The following SPOCK3 variants were observed in gnomAD, a reference collection of about 807,000 sequenced individuals.
SPOCK3 encodes the protein SPARC (osteonectin), cwcv and kazal like domains proteoglycan 3, also known as testican-3.
In SPOCK3, 30 loss-of-function variants were observed where a neutral mutation model predicts 56.6. That is an observed-to-expected ratio of 0.53 (90% confidence interval 0.40 to 0.72). The LOEUF (loss-of-function observed/expected upper bound fraction) is 0.72, where lower values mean the gene tolerates loss of function less well. Among genes scored for constraint, SPOCK3 ranks in the 30% least tolerant of loss-of-function variants. The pLI, the probability that SPOCK3 is intolerant of heterozygous loss-of-function variation, is 0.00. For synonymous variants in SPOCK3, 196 were observed against 183.3 expected, an observed-to-expected ratio of 1.07 and a Z score of -0.56; for missense variants, 527 against 530.0, an observed-to-expected ratio of 0.99 and a Z score of 0.06.
chr4:167,155,306 T>G, intron 2 of SPOCK3, among the ~76,000 whole-genome samples: 1 of 151,718 alleles, frequency 6.6e-6, no homozygotes, highest in East Asian at 1.9e-4. Context: ...TTGTTAGAGA[T>G]GGGGTTTCAC....
chr4:166,943,117 G>A (rs1741304374), intron 4 of SPOCK3, among the ~76,000 whole-genome samples: 1 of 152,124 alleles, frequency 6.6e-6, no homozygotes, highest in Non-Finnish European at 1.5e-5. Flanking sequence ...ATTAACATGT[G>A]CAAGAACACA....
At chr4:166,991,194 T>A in intron 4 of SPOCK3, among the ~76,000 whole-genome samples, 1 of 151,960 alleles carries the variant, frequency 6.6e-6, no homozygotes, top group African/African-American at 2.4e-5. Context: ...TCACCACTAT[T>A]TTTTACCATG....
intron 2 of SPOCK3, among the ~76,000 whole-genome samples, chr4:167,081,622 T>C (rs958911107): frequency 1.3e-5 from 2 of 152,054 alleles, no homozygotes; most frequent in African/African-American, 4.8e-5. Flanking sequence ...CATTAAAATC[T>C]CTGTCTGGAG....
intron 6 of SPOCK3, among the ~76,000 whole-genome samples, chr4:166,845,818 A>G (rs923343547): frequency 6.6e-6 from 1 of 152,202 alleles, no homozygotes; most frequent in Non-Finnish European, 1.5e-5. Flanking sequence ...ATGCAGTCAC[A>G]TGTCACTTAA....
chr4:166,942,701 T>A (rs78506996), intron 4 of SPOCK3, among the ~76,000 whole-genome samples: 1 of 152,118 alleles, frequency 6.6e-6, no homozygotes, highest in African/African-American at 2.4e-5. Flanking sequence ...AGACTAAGAA[T>A]ACCCTATAGA....
intron 3 of SPOCK3, among the ~76,000 whole-genome samples, chr4:167,006,599 C>T (rs945090499): frequency 3.9e-5 from 6 of 152,170 alleles, no homozygotes; most frequent in African/African-American, 1.2e-4. Flanking sequence ...TTCGCCTACC[C>T]AGAAAATCAT....
At chr4:166,802,576 T>A (rs1742724966) in intron 6 of SPOCK3, among the ~76,000 whole-genome samples, 1 of 152,022 alleles carries the variant, frequency 6.6e-6, no homozygotes, top group South Asian at 2.1e-4. Flanking sequence ...AGGGTACTAA[T>A]CAAATTCACA....
At chr4:167,131,275 G>C (rs1003761662) in intron 2 of SPOCK3, among the ~76,000 whole-genome samples, 1 of 152,030 alleles carries the variant, frequency 6.6e-6, no homozygotes, top group African/African-American at 2.4e-5. Context: ...GATAAAATGT[G>C]CTACACTATG....
chr4:166,901,473 G>C (rs1271578436), intron 5 of SPOCK3, among the ~76,000 whole-genome samples: 1 of 152,126 alleles, frequency 6.6e-6, no homozygotes, highest in Non-Finnish European at 1.5e-5. Flanking sequence ...AATTAGAAAA[G>C]TTGATAATAA....
rs764357940 is a variant in SPOCK3 at position 166,976,676 on chromosome 4, CTTAAAA to C, written c.350+23667_350+23672del. Reference sequence around the variant, plus strand: ...TCTGTCCTCCTTCTTTATTTTTCTCCTTAAAATTAAGTTTCTGTACCTCTAGCATAA... The same window carrying C: ...TCTGTCCTCCTTCTTTATTTTTCTCCTTAAGTTTCTGTACCTCTAGCATAA... On this transcript the variant is annotated intron_variant, in intron 4 of 10. Coordinates refer to ENST00000357545, the MANE Select transcript of SPOCK3 (RefSeq NM_001040159.2). 3.9e-5 allele frequency among the ~76,000 whole-genome samples: 6 copies of C among 152,118 alleles called. 1 individual carries two copies. The East Asian group carries it at 7.7e-4, about 20-fold the overall frequency.
chr4:167,063,941 G>A (rs1001989421), intron 2 of SPOCK3, among the ~76,000 whole-genome samples: 1 of 151,588 alleles, frequency 6.6e-6, no homozygotes, highest in Non-Finnish European at 1.5e-5. Context: ...ATATATTTAC[G>A]GTTCTGAATA....
intron 4 of SPOCK3, among the ~76,000 whole-genome samples, chr4:166,986,720 G>A (rs1444636021): frequency 6.6e-6 from 1 of 152,060 alleles, no homozygotes. Flanking sequence ...TATCTAGGAT[G>A]ATATATCAGT....
intron 2 of SPOCK3, among the ~76,000 whole-genome samples, chr4:167,143,148 G>A (rs902477732): frequency 6.6e-6 from 1 of 151,910 alleles, no homozygotes; most frequent in Admixed American, 6.6e-5. Flanking sequence ...GTGTGCATAC[G>A]CTACTCAGAT....
intron 5 of SPOCK3, among the ~76,000 whole-genome samples, chr4:166,894,267 C>T (rs1291838434): frequency 6.6e-6 from 1 of 151,974 alleles, no homozygotes; most frequent in Non-Finnish European, 1.5e-5. Context: ...CATACTGGCC[C>T]CACCACAGGG....
intron 6 of SPOCK3, among the ~76,000 whole-genome samples, chr4:166,850,615 G>A (rs1001769616): frequency 1.2e-4 from 19 of 152,344 alleles, no homozygotes; most frequent in South Asian, 2.1e-4. Flanking sequence ...TGCGTGCACC[G>A]TGCGCGAGCC....
chr4:166,750,792 T>C (rs953674827), intron 8 of SPOCK3, among the ~76,000 whole-genome samples: 1 of 152,226 alleles, frequency 6.6e-6, no homozygotes, highest in Admixed American at 6.5e-5. Context: ...CAACAGTTAC[T>C]ACAATACAAA....
chr4:167,206,115 G>A (rs1331187098), intron 2 of SPOCK3, among the ~76,000 whole-genome samples: 1 of 151,968 alleles, frequency 6.6e-6, no homozygotes, highest in African/African-American at 2.4e-5. Context: ...CTTGAGGTCA[G>A]GAGTTCGAGA....
rs1363822640 is a variant in SPOCK3 at position 166,882,780 on chromosome 4, G to A, written c.589+6350C>T. The stretch of plus-strand genomic sequence containing the variant: ...TTATTTAACACAAAAATAGTCTTCA[G>A]AGAAGACATTGAAAACTCCTCTTTC... On this transcript the variant is annotated intron_variant, in intron 6 of 10. Transcript: ENST00000357545. 3 of 152,088 alleles carry A rather than the reference G, an allele frequency of 2.0e-5. No individual in the cohort carries two copies. The East Asian group carries it at 5.8e-4, about 29-fold the overall frequency. The allele number at this position is 152,088 out of a possible 1,614,324, so 9.4% of individuals were successfully genotyped here. A position where few individuals can be genotyped will look rare whatever the true frequency, so the allele number is the denominator to read the frequency against.
At chr4:166,779,276 A>G (rs1399511440) in intron 7 of SPOCK3, among the ~76,000 whole-genome samples, 1 of 152,044 alleles carries the variant, frequency 6.6e-6, no homozygotes, top group Admixed American at 6.6e-5. Context: ...GAAATATGGA[A>G]CTCATTCTCA....
Sources: allele counts gnomAD v4.1 joint callset (sites outside exome capture counted in the v4.1 genomes callset), GRCh38; gene constraint gnomAD v4.1.1; transcripts MANE v1.5; gene names NCBI Gene and HGNC (gene_info 2026-07-23, HGNC 2026-07-21).